Variants in ZFAT observed in about 807,000 individuals in gnomAD.
ZFAT encodes the protein zinc finger and AT-hook domain containing, also known as zinc finger protein ZFAT.
In ZFAT, 64 loss-of-function variants were observed where a neutral mutation model predicts 117.7. The observed-to-expected ratio is 0.54, with a 90% CI of 0.44 to 0.67. The LOEUF (loss-of-function observed/expected upper bound fraction) is 0.67, where lower values mean the gene tolerates loss of function less well. Among genes scored for constraint, ZFAT ranks in the 30% least tolerant of loss-of-function variants. ZFAT has a pLI of 0.00. For missense variants in ZFAT, 1,433 were observed against 1,584.5 expected, an observed-to-expected ratio of 0.90 and a Z score of 1.62; for synonymous variants, 679 against 615.0, an observed-to-expected ratio of 1.10 and a Z score of -1.54.
intron 1 of ZFAT, among the ~76,000 whole-genome samples, chr8:134,660,799 T>A (rs76332312): frequency 0.014 from 2,165 of 152,330 alleles, 56 homozygotes; most frequent in African/African-American, 0.048. Context: ...GCCCAGAGAT[T>A]ACATAAATAA....
rs77916250 is a variant in ZFAT at position 134,502,079 on chromosome 8, A to T, written c.3492+7540T>A. 0.015 allele frequency among the ~76,000 whole-genome samples: 2,258 copies of T among 152,336 alleles called. 140 individuals carry two copies. In the East Asian group the frequency reaches 0.21, roughly 14 times the overall value. The stretch of plus-strand genomic sequence containing the variant: ...AGAGCGCTTGTTTTTAAAAGTAAAA[A>T]TAAAAATAGATTTTGAAGCCTCATA... On this transcript the variant is annotated intron_variant, in intron 15 of 15. Transcript: ENST00000377838.
At chr8:134,531,031 T>C (rs1036403764) in intron 12 of ZFAT, among the ~76,000 whole-genome samples, 3 of 152,192 alleles carry the variant, frequency 2.0e-5, no homozygotes, top group African/African-American at 7.2e-5. Context: ...TGTGTGTCTG[T>C]GTGTGTATCT....
chr8:134,596,511 C>G lies in ZFAT; in HGVS notation c.2475+3925G>C, dbSNP rs76137180. 2.0e-5 allele frequency among the ~76,000 whole-genome samples: 3 copies of G among 152,198 alleles called. No individual in the cohort carries two copies. The East Asian group carries it at 5.8e-4, about 29-fold the overall frequency. On this transcript the variant is annotated intron_variant, in intron 7 of 15. Coordinates refer to ENST00000377838, the MANE Select transcript of ZFAT (RefSeq NM_020863.4). The stretch of plus-strand genomic sequence containing the variant: ...AGATGCTTCATAATTTTTGAAAACC[C>G]TTTAAGGAAAGGTTAATACTTAACC...
chr8:134,818,091 AC>A, the ZFAT span, among the ~76,000 whole-genome samples: 6 of 152,350 alleles, frequency 3.9e-5, no homozygotes, highest in East Asian at 1.9e-4. Context: ...CGCAAAAAAA[AC>A]ATTTTTAGAT....
At chr8:134,783,162 T>C in the ZFAT span, among the ~76,000 whole-genome samples, 2 of 152,248 alleles carry the variant, frequency 1.3e-5, no homozygotes, top group Non-Finnish European at 2.9e-5. Flanking sequence ...TCATCCATTT[T>C]AGCTGTTTTC....
At chr8:134,736,713 A>G in the ZFAT span, among the ~76,000 whole-genome samples, 1 of 152,044 alleles carries the variant, frequency 6.6e-6, no homozygotes, top group Admixed American at 6.6e-5. Context: ...CTCCCACCGC[A>G]GCCTCCTGAG....
intron 1 of ZFAT, among the ~76,000 whole-genome samples, chr8:134,665,602 G>A (rs1832173250): frequency 6.6e-6 from 1 of 152,206 alleles, no homozygotes; most frequent in Non-Finnish European, 1.5e-5. Flanking sequence ...GTACATAGAA[G>A]TACATGCTCA....
At chr8:134,737,517 G>T in the ZFAT span, among the ~76,000 whole-genome samples, 1 of 152,152 alleles carries the variant, frequency 6.6e-6, no homozygotes, top group South Asian at 2.1e-4. Context: ...AAGTTCAAGG[G>T]ATACAAAAAG....
At chr8:134,657,107 C>G (rs982335092) in intron 2 of ZFAT, among the ~76,000 whole-genome samples, 1 of 152,182 alleles carries the variant, frequency 6.6e-6, no homozygotes, top group Admixed American at 6.5e-5. Flanking sequence ...TTCCTTTTAT[C>G]ATGTTCTGTG....
In ZFAT at chr8:134,478,810, CCAG is replaced by C; in HGVS notation, c.3493-92_3493-90del. 6.7e-7 allele frequency: 1 copy of C among 1,487,400 alleles called. No individual in the cohort carries two copies. Among genetic ancestry groups the C allele is most frequent in the South Asian group, 1.3e-5 (1 of 77,046 alleles). 92.1% of individuals were successfully genotyped at this position (1,487,400 alleles called of 1,614,324 possible). On this transcript the variant is annotated intron_variant, in intron 15 of 15. Coordinates refer to ENST00000377838, the MANE Select transcript of ZFAT (RefSeq NM_020863.4). This position sits in a 1 kb window ranked among gnomAD's most constrained non-coding sequence, Gnocchi z 5.2. ...AGTCACAACTACAGTTTAGGAGGCACCAGTGCGCTGCGGGAGCACGTCCATTCT... is the reference window on the plus strand; with the variant it reads ...AGTCACAACTACAGTTTAGGAGGCACTGCGCTGCGGGAGCACGTCCATTCT...
chr8:134,721,386 G>C, the ZFAT span, among the ~76,000 whole-genome samples: 2 of 152,294 alleles, frequency 1.3e-5, no homozygotes, highest in African/African-American at 4.8e-5. Context: ...GCTGTAAGAG[G>C]AAGAAGATTC....
chr8:134,628,457 C>G (rs1829670617), intron 3 of ZFAT, among the ~76,000 whole-genome samples: 1 of 152,056 alleles, frequency 6.6e-6, no homozygotes, highest in Non-Finnish European at 1.5e-5. Flanking sequence ...CAGTGGGTGT[C>G]ACAAAGGGGT....
chr8:134,643,914 G>A (rs1471774912), intron 2 of ZFAT, among the ~76,000 whole-genome samples: 1 of 152,220 alleles, frequency 6.6e-6, no homozygotes, highest in African/African-American at 2.4e-5. Context: ...ACACTGCGCT[G>A]CTGACCAGGG....
At chr8:134,509,167 T>G (rs78673721) in intron 15 of ZFAT, among the ~76,000 whole-genome samples, 18,241 of 152,206 alleles carry the variant, frequency 0.12, 1,277 homozygotes, top group Admixed American at 0.22. Context: ...CAGAGCAGTA[T>G]CCTGTGTTGA....
At chr8:134,754,785 C>T in the ZFAT span, among the ~76,000 whole-genome samples, 1 of 152,180 alleles carries the variant, frequency 6.6e-6, no homozygotes, top group African/African-American at 2.4e-5. Context: ...GACTTGGGTG[C>T]TGGGTCAGGA....
rs778549372 is a variant in ZFAT at position 134,588,335 on chromosome 8, A to G, written c.2624T>C (p.Ile875Thr). Reference sequence around the variant, plus strand: ...TGGGCATTTCATGGCTCTCTTTCCAATTAGCCCTTTCAGCTGAACCCTCCT... The same window carrying G: ...TGGGCATTTCATGGCTCTCTTTCCAGTTAGCCCTTTCAGCTGAACCCTCCT... Reference protein sequence around the residue: ...LGRRVQLKGLIGKRAMKCPYC... With the variant: ...LGRRVQLKGLTGKRAMKCPYC... Residue 875 changes from isoleucine to threonine, a missense_variant, in exon 9 of 16, where the codon ATT (isoleucine) becomes ACT (threonine). Around this residue, in one of 5 missense-constraint regions of ZFAT, gnomAD observed 503 missense variants for 543.4 expected, o/e 0.93. Transcript: ENST00000377838. 1 of 1,592,680 alleles carries G rather than the reference A, an allele frequency of 6.3e-7. No individual in the cohort carries two copies. Among genetic ancestry groups the G allele is most frequent in the Admixed American group, 1.7e-5 (1 of 57,546 alleles).
chr8:134,817,394 T>TCTACAC, the ZFAT span, among the ~76,000 whole-genome samples: 5 of 125,976 alleles, frequency 4.0e-5, no homozygotes, highest in Admixed American at 7.7e-5. Context: ...TCTCTCTCTC[T>TCTACAC]ACACACACAC....
chr8:134,706,467 A>T (rs2131365389), intron 1 of ZFAT, among the ~76,000 whole-genome samples: 1 of 152,268 alleles, frequency 6.6e-6, no homozygotes, highest in South Asian at 2.1e-4. Flanking sequence ...CGAGGTGGGC[A>T]AATCACTTGA....
the ZFAT span, among the ~76,000 whole-genome samples, chr8:134,821,782 C>G: frequency 1.3e-5 from 2 of 152,108 alleles, no homozygotes; most frequent in African/African-American, 4.8e-5. Flanking sequence ...TAGAAATGCA[C>G]TTGAGGAGAT....
Sources: gnomAD v4.1 joint callset for allele counts (sites outside exome capture counted in the v4.1 genomes callset) on GRCh38, gnomAD v4.1.1 for gene constraint, gnomAD v4.1.1 regional missense constraint, Gnocchi (gnomAD v3.1) non-coding constraint, MANE v1.5 for transcripts, NCBI Gene and HGNC (gene_info 2026-07-23, HGNC 2026-07-21) for gene names.